The following JAKMIP3 variants were observed in gnomAD, a reference collection of about 807,000 sequenced individuals.
JAKMIP3 encodes Janus kinase and microtubule interacting protein 3.
JAKMIP3 carries 58 observed loss-of-function variants against 118.5 expected under a neutral mutation model. The observed-to-expected ratio is 0.49, with a 90% CI of 0.40 to 0.61. The LOEUF (loss-of-function observed/expected upper bound fraction) is 0.61, where lower values mean the gene tolerates loss of function less well. Among genes scored for constraint, JAKMIP3 ranks in the 20% least tolerant of loss-of-function variants. JAKMIP3 has a pLI of 0.00. For missense variants in JAKMIP3, 950 were observed against 1,109.0 expected (o/e 0.86, Z 2.04); for synonymous variants, 486 against 451.2 (o/e 1.08, Z -0.98).
chr10:132,059,587 G>A (rs1013614379), intron 1 of JAKMIP3, among the ~76,000 whole-genome samples: 27 of 152,190 alleles, frequency 1.8e-4, no homozygotes, highest in Non-Finnish European at 2.9e-4. Flanking sequence ...TGGGGGTGCC[G>A]AGGCCGACCC....
At chr10:132,076,520 C>T (rs1471819364) in intron 1 of JAKMIP3, among the ~76,000 whole-genome samples, 2 of 152,248 alleles carry the variant, frequency 1.3e-5, no homozygotes, top group Admixed American at 6.5e-5. Context: ...CTTGGGTTTA[C>T]ACCTAGGGGT....
rs2061587657 is a variant in JAKMIP3, at chr10:132,182,543, G to A, written c.*1290G>A. On this transcript the variant is annotated 3_prime_UTR_variant, in exon 24 of 24. Coordinates refer to ENST00000684848, the MANE Select transcript of JAKMIP3 (RefSeq NM_001323087.2). Reference sequence around the variant, plus strand: ...GCTCTCAGAGCTGAATTGACAGGAGGTGTGTGTGTGTGCTCACTTGTGTGC... The same window carrying A: ...GCTCTCAGAGCTGAATTGACAGGAGATGTGTGTGTGTGCTCACTTGTGTGC... 1.3e-5 allele frequency: 2 copies of A among 152,146 alleles called. No homozygotes were observed. The allele number at this position is 152,146 out of a possible 1,614,324, so 9.4% of individuals were successfully genotyped here.
At chr10:132,046,345 G>C (rs908867769) in intron 1 of JAKMIP3, among the ~76,000 whole-genome samples, 1 of 152,102 alleles carries the variant, frequency 6.6e-6, no homozygotes, top group Non-Finnish European at 1.5e-5. Context: ...AGTCCCAGCT[G>C]CTGGGGAGGC....
At position 132,071,800 on chromosome 10, in the gene JAKMIP3, CT is replaced by C. The variant is rs199632527; in HGVS notation, c.-138+5741del. 9.3e-4 allele frequency among the ~76,000 whole-genome samples: 113 copies of C among 121,738 alleles called. No individual in the cohort carries two copies. The East Asian group carries it at 0.02, about 22-fold the overall frequency. 79.9% of individuals were successfully genotyped at this position (121,738 alleles called of 152,430 possible). On this transcript the variant is annotated intron_variant, in intron 1 of 23. Coordinates refer to ENST00000684848, the MANE Select transcript of JAKMIP3 (RefSeq NM_001323087.2). ...TTTTCTTTCTTTCCTTCCTTCCTTCCTTCTTTCCTTTCCTTTCTTTTCTTTC... is the reference window on the plus strand; with the variant it reads ...TTTTCTTTCTTTCCTTCCTTCCTTCCTCTTTCCTTTCCTTTCTTTTCTTTC...
At position 132,142,076 on chromosome 10, in the gene JAKMIP3, G is replaced by GGCCCCCCTCGTGCCTTCCC. The variant is rs1564953976; in HGVS notation, c.1602+31_1602+49dup. 5 of 1,484,186 alleles carry GGCCCCCCTCGTGCCTTCCC rather than the reference G, an allele frequency of 3.4e-6. No individual in the cohort carries two copies. The African/African-American group carries it at 7.0e-5, about 21-fold the overall frequency. 91.9% of individuals were successfully genotyped at this position (1,484,186 alleles called of 1,614,324 possible). A position where few individuals can be genotyped will look rare whatever the true frequency, so the allele number is the denominator to read the frequency against. On this transcript the variant is annotated intron_variant, in intron 11 of 23. Coordinates refer to ENST00000684848, the MANE Select transcript of JAKMIP3 (RefSeq NM_001323087.2). The stretch of plus-strand genomic sequence containing the variant: ...CTACGTGACTTCCACCGCGCGTTCC[G>GGCCCCCCTCGTGCCTTCCC]GCCCCCCTCGTGCCTTCCCGCTTGA...
intron 23 of JAKMIP3, among the ~76,000 whole-genome samples, chr10:132,173,281 A>T (rs2059804673): frequency 1.5e-5 from 2 of 133,752 alleles, no homozygotes; most frequent in African/African-American, 5.8e-5. Flanking sequence ...TGATGCCTCC[A>T]ATTCCAGGCC....
intron 23 of JAKMIP3, among the ~76,000 whole-genome samples, chr10:132,180,568 C>CACGCGCGCGT (rs2060767774): frequency 9.0e-5 from 2 of 22,314 alleles, no homozygotes; most frequent in African/African-American, 5.7e-4. Flanking sequence ...CGTGTGTGTG[C>CACGCGCGCGT]GTGTGTGTGT....
rs183101740 is a variant in JAKMIP3 at position 132,102,695 on chromosome 10, G to A, written c.-137-1977G>A. Among the ~76,000 whole-genome samples, 79 of 152,252 alleles carry A rather than the reference G, an allele frequency of 5.2e-4. No homozygotes were observed. In the South Asian group the frequency reaches 6.8e-3, roughly 13 times the overall value. ...TCTGTGAGGCCATCTTCACTCACCCGTGGAAGTCTACTTGGCTGCCCTGTG... is the reference window on the plus strand; with the variant it reads ...TCTGTGAGGCCATCTTCACTCACCCATGGAAGTCTACTTGGCTGCCCTGTG... On this transcript the variant is annotated intron_variant, in intron 1 of 23. Coordinates refer to ENST00000684848, the MANE Select transcript of JAKMIP3 (RefSeq NM_001323087.2).
intron 1 of JAKMIP3, among the ~76,000 whole-genome samples, chr10:132,046,154 A>G (rs948241820): frequency 1.3e-5 from 2 of 151,860 alleles, no homozygotes; most frequent in African/African-American, 4.8e-5. Context: ...CTGACTTCAC[A>G]TAGATAAAGC....
At chr10:132,148,464 C>T (rs1285719894) in intron 14 of JAKMIP3, among the ~76,000 whole-genome samples, 1 of 95,966 alleles carries the variant, frequency 1.0e-5, no homozygotes, top group Non-Finnish European at 2.4e-5. Flanking sequence ...TGCCCGTCCT[C>T]CATCCGCCCG....
At chr10:132,082,403 C>T (rs1388226415) in intron 1 of JAKMIP3, among the ~76,000 whole-genome samples, 1 of 152,026 alleles carries the variant, frequency 6.6e-6, no homozygotes, top group Non-Finnish European at 1.5e-5. Context: ...CCCGAGTCCC[C>T]AAAGTCCATT....
chr10:132,068,298 T>G (rs921613458), intron 1 of JAKMIP3, among the ~76,000 whole-genome samples: 2 of 152,242 alleles, frequency 1.3e-5, no homozygotes, highest in African/African-American at 4.8e-5. Context: ...TTATTTTTCC[T>G]TGACTCCTGA....
intron 1 of JAKMIP3, among the ~76,000 whole-genome samples, chr10:132,046,424 C>G (rs1302710624): frequency 2.0e-5 from 3 of 151,446 alleles, no homozygotes; most frequent in African/African-American, 4.9e-5. Flanking sequence ...CCACTGCACT[C>G]CAGCCTGGGT....
chr10:132,043,532 A>G (rs1307789921), intron 1 of JAKMIP3, among the ~76,000 whole-genome samples: 1 of 152,246 alleles, frequency 6.6e-6, no homozygotes, highest in Non-Finnish European at 1.5e-5. Flanking sequence ...TGTTGCCCCC[A>G]AAGCACTTCT....
At chr10:132,161,229 G>A (rs1447950325) in intron 19 of JAKMIP3, among the ~76,000 whole-genome samples, 6 of 3,728 alleles carry the variant, frequency 1.6e-3, no homozygotes, top group Non-Finnish European at 2.5e-3. Flanking sequence ...GTGTGATGCT[G>A]GGGGGGCCTC....
intron 23 of JAKMIP3, among the ~76,000 whole-genome samples, chr10:132,170,728 G>A (rs2059411583): frequency 6.6e-6 from 1 of 152,202 alleles, no homozygotes; most frequent in Non-Finnish European, 1.5e-5. Context: ...TGCAGACTGT[G>A]TCTCAGGCCT....
chr10:132,134,239 G>A (rs976660842), intron 4 of JAKMIP3, among the ~76,000 whole-genome samples: 6 of 152,226 alleles, frequency 3.9e-5, no homozygotes, highest in Non-Finnish European at 5.9e-5. Context: ...TGTTGAATGA[G>A]GAACTCGAGT....
intron 3 of JAKMIP3, among the ~76,000 whole-genome samples, chr10:132,131,197 G>A (rs1532188): frequency 0.78 from 112,542 of 144,192 alleles, 45,006 homozygotes; most frequent in East Asian, 0.99. Context: ...GTATGGGGGC[G>A]TTGTGGGGAG....
chr10:132,178,532 G>A (rs1032626952), intron 23 of JAKMIP3, among the ~76,000 whole-genome samples: 2 of 152,314 alleles, frequency 1.3e-5, no homozygotes, highest in South Asian at 4.1e-4. Context: ...AAGAGCATAT[G>A]GGGAAAGGTC....
Sources: gnomAD v4.1 joint callset for allele counts (sites outside exome capture counted in the v4.1 genomes callset) on GRCh38, gnomAD v4.1.1 for gene constraint, MANE v1.5 for transcripts, NCBI Gene and HGNC (gene_info 2026-07-23, HGNC 2026-07-21) for gene names.